The following GPR158 variants were observed in gnomAD, a reference collection of about 807,000 sequenced individuals.
GPR158 encodes the protein G protein-coupled receptor 158.
GPR158 carries 30 observed loss-of-function variants against 78.2 expected under a neutral mutation model. That is an observed-to-expected ratio of 0.38 (90% CI 0.29 to 0.52). The LOEUF is 0.52. Among genes scored for constraint, GPR158 ranks in the 20% least tolerant of loss-of-function variants. The pLI, the probability that GPR158 is intolerant of heterozygous loss-of-function variation, is 0.83. For synonymous variants in GPR158, 581 were observed against 591.1 expected (o/e 0.98, Z 0.25); for missense variants, 1,463 against 1,523.5 (o/e 0.96, Z 0.66).
At chr10:25,523,047 G>A (rs539567729) in intron 5 of GPR158, among the ~76,000 whole-genome samples, 4 of 152,302 alleles carry the variant, frequency 2.6e-5, no homozygotes, top group South Asian at 2.1e-4. Flanking sequence ...GCAACAAGCC[G>A]AAATGGAAGA....
intron 2 of GPR158, among the ~76,000 whole-genome samples, chr10:25,249,597 T>G (rs948077568): frequency 1.3e-5 from 2 of 151,892 alleles, no homozygotes; most frequent in African/African-American, 4.8e-5. Flanking sequence ...TGGTTCTGTT[T>G]ATATGCTGGA....
intron 2 of GPR158, among the ~76,000 whole-genome samples, chr10:25,232,295 G>A (rs1052857617): frequency 6.6e-6 from 1 of 151,992 alleles, no homozygotes; most frequent in Non-Finnish European, 1.5e-5. Flanking sequence ...ACTTATGTGG[G>A]AAAAAAATCC....
intron 7 of GPR158, among the ~76,000 whole-genome samples, chr10:25,586,029 C>T (rs375190065): frequency 6.6e-6 from 1 of 152,068 alleles, no homozygotes; most frequent in East Asian, 1.9e-4. Context: ...GACAAAGAGA[C>T]CTTCTAGGTC....
At chr10:25,527,824 A>G (rs140467452) in intron 5 of GPR158, among the ~76,000 whole-genome samples, 1 of 152,224 alleles carries the variant, frequency 6.6e-6, no homozygotes, top group East Asian at 1.9e-4. Context: ...AATGGAATAC[A>G]CAAATTACCA....
At chr10:25,408,760 C>T (rs1030848891) in intron 3 of GPR158, among the ~76,000 whole-genome samples, 11 of 152,092 alleles carry the variant, frequency 7.2e-5, no homozygotes, top group African/African-American at 9.7e-5. Flanking sequence ...TCTCAAATTG[C>T]TCTTGGCCTT....
At chr10:25,471,179 A>G (rs888012232) in intron 5 of GPR158, among the ~76,000 whole-genome samples, 8 of 146,596 alleles carry the variant, frequency 5.5e-5, no homozygotes, top group East Asian at 2.0e-4. Context: ...TCATTGTTCA[A>G]TTCCCACCTG....
chr10:25,512,912 A>C (rs899927203), intron 5 of GPR158, among the ~76,000 whole-genome samples: 1 of 152,098 alleles, frequency 6.6e-6, no homozygotes, highest in African/African-American at 2.4e-5. Flanking sequence ...TCTTTTTGAT[A>C]TACTGTTGGA....
chr10:25,437,711 C>G (rs1189098896), intron 4 of GPR158, among the ~76,000 whole-genome samples: 3 of 152,138 alleles, frequency 2.0e-5, no homozygotes, highest in African/African-American at 4.8e-5. Flanking sequence ...AGTTTCTGAG[C>G]AGTGTCTTCT....
chr10:25,481,363 A>G (rs1434493893), intron 5 of GPR158, among the ~76,000 whole-genome samples: 1 of 152,126 alleles, frequency 6.6e-6, no homozygotes, highest in Non-Finnish European at 1.5e-5. Context: ...AGATGAGTCA[A>G]ATAGAGTCGA....
intron 2 of GPR158, among the ~76,000 whole-genome samples, chr10:25,389,418 C>T (rs1834264396): frequency 6.6e-6 from 1 of 152,136 alleles, no homozygotes; most frequent in African/African-American, 2.4e-5. Context: ...TCAGGATGAC[C>T]TGCCTCACAG....
intron 7 of GPR158, among the ~76,000 whole-genome samples, chr10:25,587,512 C>G (rs1194956971): frequency 6.6e-6 from 1 of 152,156 alleles, no homozygotes; most frequent in Non-Finnish European, 1.5e-5. Flanking sequence ...TTGGAGATTT[C>G]AAACCTGGGT....
At chr10:25,414,784 A>G (rs1834637318) in intron 4 of GPR158, among the ~76,000 whole-genome samples, 1 of 152,158 alleles carries the variant, frequency 6.6e-6, no homozygotes, top group Non-Finnish European at 1.5e-5. Context: ...ATTGATAATT[A>G]AGAGAACAAA....
In GPR158 at chr10:25,175,694, C is replaced by A; in HGVS notation, c.274C>A (p.His92Asn). 1 of 1,611,866 alleles carries A rather than the reference C, an allele frequency of 6.2e-7. No individual in the cohort carries two copies. Residue 92 changes from histidine to asparagine, a missense_variant, in exon 1 of 11, where the codon CAC (histidine) becomes AAC (asparagine). By Grantham distance (68) the His-to-Asn change is moderately conservative. Coordinates refer to ENST00000376351, the MANE Select transcript of GPR158 (RefSeq NM_020752.3). This position sits in a 1 kb window ranked among gnomAD's most constrained non-coding sequence, Gnocchi z 6.4. The stretch of plus-strand genomic sequence containing the variant: ...CTCTTACCTCTACACCGGGGACTCC[C>A]ACCAGCTGAAGCGAGCCAACTGCTC... The part of the protein sequence containing the change: ...VASYLYTGDS[H>N]QLKRANCSGR...
At chr10:25,276,579 A>C (rs1321149103) in intron 2 of GPR158, among the ~76,000 whole-genome samples, 1 of 152,224 alleles carries the variant, frequency 6.6e-6, no homozygotes. Flanking sequence ...TAAGAAGTGC[A>C]GTACATTACA....
chr10:25,307,142 A>G (rs1329277131), intron 2 of GPR158, among the ~76,000 whole-genome samples: 1 of 152,132 alleles, frequency 6.6e-6, no homozygotes, highest in Non-Finnish European at 1.5e-5. Flanking sequence ...TAAGTTTAAG[A>G]TAATGAAAGT....
intron 5 of GPR158, among the ~76,000 whole-genome samples, chr10:25,509,592 T>C (rs1339925297): frequency 1.3e-5 from 2 of 152,366 alleles, no homozygotes; most frequent in African/African-American, 2.4e-5. Flanking sequence ...CTGAAACATA[T>C]ACACCTATGT....
At chr10:25,237,915 TC>T (rs1458045960) in intron 2 of GPR158, among the ~76,000 whole-genome samples, 2 of 152,046 alleles carry the variant, frequency 1.3e-5, no homozygotes, top group East Asian at 3.9e-4. Context: ...CCCCTCCTTT[TC>T]CACCTCCCTC....
intron 4 of GPR158, among the ~76,000 whole-genome samples, chr10:25,436,640 C>A (rs930751768): frequency 6.6e-6 from 1 of 152,102 alleles, no homozygotes; most frequent in Non-Finnish European, 1.5e-5. Context: ...GATACTACTG[C>A]GTGATGGAAT....
intron 2 of GPR158, among the ~76,000 whole-genome samples, chr10:25,351,759 G>A (rs1855476902): frequency 6.9e-6 from 1 of 145,188 alleles, no homozygotes; most frequent in South Asian, 2.2e-4. Flanking sequence ...TCTATTTGAA[G>A]TTCAGGGGTC....
Sources: allele counts gnomAD v4.1 joint callset (sites outside exome capture counted in the v4.1 genomes callset), GRCh38; gene constraint gnomAD v4.1.1; non-coding constraint Gnocchi (gnomAD v3.1); transcripts MANE v1.5; gene names NCBI Gene and HGNC (gene_info 2026-07-23, HGNC 2026-07-21).